The following CDHR2 variants were observed in gnomAD, a reference collection of about 807,000 sequenced individuals.
CDHR2 encodes cadherin-related family member 2.
A neutral mutation model predicts 138.6 loss-of-function variants in CDHR2; 104 were observed. The ratio of observed to expected loss-of-function variants is 0.75; its 90% CI spans 0.64 to 0.88. The LOEUF (loss-of-function observed/expected upper bound fraction) is 0.88, where lower values mean the gene tolerates loss of function less well. Among genes scored for constraint, CDHR2 ranks in the 40% least tolerant of loss-of-function variants. CDHR2 has a pLI of 0.00. For missense variants in CDHR2, 1,624 were observed against 1,727.6 expected, an observed-to-expected ratio of 0.94 and a Z score of 1.06; for synonymous variants, 755 against 742.8, an observed-to-expected ratio of 1.02 and a Z score of -0.27.
At chr5:176,560,123 G>A (rs936885258) in intron 1 of CDHR2, among the ~76,000 whole-genome samples, 4 of 152,230 alleles carry the variant, frequency 2.6e-5, no homozygotes, top group East Asian at 1.9e-4. Flanking sequence ...ATGGCTGGGC[G>A]CAGTGGCTCA....
In CDHR2 at chr5:176,585,351, C is replaced by T. The variant is rs142275319; in HGVS notation, c.2734+336C>T. Among the ~76,000 whole-genome samples the T allele has an allele frequency of 5.8e-3, 888 of 152,316 alleles. 7 individuals are homozygous for T. Among genetic ancestry groups the T allele is most frequent in the African/African-American group, 0.02 (832 of 41,556 alleles). ...TGCAGAGCTAGATGTGTGCTTGTAT[C>T]CCACTTCTGACACCAAATAGCAATA... On this transcript the variant is annotated intron_variant, in intron 19 of 31. Coordinates refer to ENST00000261944, the MANE Select transcript of CDHR2 (RefSeq NM_017675.6).
At chr5:176,582,429 A>G (rs1758553282) in intron 17 of CDHR2, among the ~76,000 whole-genome samples, 1 of 152,008 alleles carries the variant, frequency 6.6e-6, no homozygotes, top group South Asian at 2.1e-4. Flanking sequence ...CAGCCTCACA[A>G]AATGCTGGGA....
Position 176,589,628 on chromosome 5 carries a change from G to A in CDHR2, c.3206+12G>A. The A allele has an allele frequency of 5.0e-6, 8 of 1,613,266 alleles. No individual in the cohort carries two copies. Among genetic ancestry groups the A allele is most frequent in the Non-Finnish European group, 5.9e-6 (7 of 1,179,366 alleles). ...CAGGCGATTAATGCGTAGGTCTGGG[G>A]AGCCCCGGAGGGAGGGGTAGGAAGA... On this transcript the variant is annotated intron_variant, in intron 24 of 31. Transcript: ENST00000261944.
chr5:176,574,648 C>T (rs1020789745), intron 7 of CDHR2, among the ~76,000 whole-genome samples: 7 of 152,174 alleles, frequency 4.6e-5, no homozygotes, highest in Admixed American at 3.9e-4. Flanking sequence ...GACACATCCT[C>T]CTGTGTGCTT....
rs764684691 is a variant in CDHR2, at chr5:176,595,668, T to C, written c.3929T>C (p.Leu1310Pro). ...YTNAGLDTTD[L>P] ...AACGCTGGCCTGGACACCACGGACCTGTGACAGGGGCCCCCACTCTTCTGG... is the reference window on the plus strand; with the variant it reads ...AACGCTGGCCTGGACACCACGGACCCGTGACAGGGGCCCCCACTCTTCTGG... Residue 1310 changes from leucine to proline, a missense_variant, in exon 32 of 32, where the codon CTG (leucine) becomes CCG (proline). Transcript: ENST00000261944. 54 of 1,584,910 alleles carry C rather than the reference T, an allele frequency of 3.4e-5. No individual in the cohort carries two copies. Among genetic ancestry groups the C allele is most frequent in the Non-Finnish European group, 4.5e-5 (52 of 1,165,008 alleles).
intron 1 of CDHR2, among the ~76,000 whole-genome samples, chr5:176,551,250 C>T (rs1300438639): frequency 2.0e-5 from 3 of 152,128 alleles, no homozygotes; most frequent in Non-Finnish European, 2.9e-5. Context: ...TCACCACAAC[C>T]TCTGCCTCCT....
intron 19 of CDHR2, 39 bp from the exon 20 acceptor site, chr5:176,585,915 T>A: frequency 6.5e-7 from 1 of 1,546,266 alleles, no homozygotes; most frequent in Non-Finnish European, 8.9e-7. Flanking sequence ...TGGGTCAAGC[T>A]TTTGCCCAGA....
intron 19 of CDHR2, among the ~76,000 whole-genome samples, chr5:176,585,434 A>G (rs1406370584): frequency 6.6e-6 from 1 of 152,236 alleles, no homozygotes; most frequent in Non-Finnish European, 1.5e-5. Flanking sequence ...GAACTACACC[A>G]GGCACCTTGT....
chr5:176,565,774 T>G (rs763416753), intron 3 of CDHR2, 31 bp downstream of exon 3: 1 of 1,587,948 alleles, frequency 6.3e-7, no homozygotes, highest in East Asian at 2.3e-5. Flanking sequence ...CTGCCCCATG[T>G]CAGGTCCTGA....
chr5:176,570,080 C>T (rs991584215), intron 5 of CDHR2, among the ~76,000 whole-genome samples: 1 of 152,200 alleles, frequency 6.6e-6, no homozygotes, highest in Non-Finnish European at 1.5e-5. Context: ...AGGTACATGC[C>T]TCCATGTACT....
In CDHR2 at chr5:176,576,082, C is replaced by T. The variant is rs1220919629; in HGVS notation, c.1091C>T (p.Thr364Ile). The T allele has an allele frequency of 3.1e-6, 5 of 1,614,012 alleles. No individual in the cohort carries two copies. Among genetic ancestry groups the T allele is most frequent in the Non-Finnish European group, 4.2e-6 (5 of 1,180,024 alleles). ...TGCAGCCTCCCAGCCTGCACCTTCA[C>T]CCCCGAAGAGGCCCAAGTGAACTTC... ...YNCSLPACTF[T>I]PEEAQVNFTG... The change falls in exon 12 of 32, where the codon ACC becomes ATC. Residue 364 changes from threonine to isoleucine, a missense_variant. By Grantham distance (89) the Thr-to-Ile change is moderately conservative. Transcript: ENST00000261944. This position sits in a 1 kb window ranked among gnomAD's most constrained non-coding sequence, Gnocchi z 4.5.
chr5:176,566,726 C>G (rs765642233), intron 3 of CDHR2, among the ~76,000 whole-genome samples: 1 of 152,226 alleles, frequency 6.6e-6, no homozygotes, highest in Non-Finnish European at 1.5e-5. Flanking sequence ...AGGAAGGGGA[C>G]AAGAGGGCTT....
At chr5:176,585,293 AT>A (rs77283294) in intron 19 of CDHR2, among the ~76,000 whole-genome samples, 42,160 of 152,212 alleles carry the variant, frequency 0.28, 5,893 homozygotes, top group East Asian at 0.33. Flanking sequence ...TAATGCCATT[AT>A]TTTACAAGAT....
Position 176,589,105 on chromosome 5 carries a change from CG to C in CDHR2, c.2935del (p.Ala979ProfsTer27). 1 of 1,614,118 alleles carries C rather than the reference CG, an allele frequency of 6.2e-7. No homozygotes were observed. The highest frequency in any genetic ancestry group is 8.5e-7 in the Non-Finnish European group (1 of 1,179,980). On this transcript the variant is annotated frameshift_variant, in exon 22 of 32. Transcript: ENST00000261944. LOFTEE classifies it high-confidence loss of function. ...TCCGAGTAGACTTCATCTCTAAGGA[CG>C]GGGCCACCATCCCTTTCCAGGGTGT... ...ILRVDFISKD[G>X]ATIPFQGVFS...
chr5:176,580,122 TCACG>T (rs941271318), intron 16 of CDHR2, among the ~76,000 whole-genome samples: 20 of 151,050 alleles, frequency 1.3e-4, no homozygotes, highest in African/African-American at 4.4e-4. Flanking sequence ...ACACACACAC[TCACG>T]CACGCACTCA....
chr5:176,577,633 C>T lies in CDHR2; in HGVS notation c.1351-4C>T, dbSNP rs1429954329. 2 of 1,614,218 alleles carry T rather than the reference C, an allele frequency of 1.2e-6. No homozygotes were observed. The highest frequency in any genetic ancestry group is 3.3e-5 in the Admixed American group (2 of 60,034). ...ACAGCTGCTGCCTCCTCCCCTGCCC[C>T]CAGGTTGTGGCCACAGACTCCGTCA... On this transcript the variant is annotated splice_region_variant and splice_polypyrimidine_tract_variant and intron_variant, in intron 13 of 31. Transcript: ENST00000261944.
At chr5:176,563,536 G>A (rs903717991) in intron 1 of CDHR2, among the ~76,000 whole-genome samples, 1 of 152,114 alleles carries the variant, frequency 6.6e-6, no homozygotes, top group Non-Finnish European at 1.5e-5. Context: ...TCTTCTGTAG[G>A]GCTGCCTGGC....
intron 6 of CDHR2, among the ~76,000 whole-genome samples, chr5:176,572,944 G>A (rs753620569): frequency 2.0e-5 from 3 of 152,228 alleles, no homozygotes; most frequent in Non-Finnish European, 4.4e-5. Flanking sequence ...TTCAGATGGC[G>A]GTGAGCCCCA....
At chr5:176,544,444 T>TTTCTCTC, upstream of CDHR2, among the ~76,000 whole-genome samples, 1 of 13,090 alleles carries the variant, frequency 7.6e-5, no homozygotes, top group Non-Finnish European at 2.9e-3. Context: ...TCTTTCTTTC[T>TTTCTCTC]CTCTTTCCTT....
Sources: gnomAD v4.1 joint callset for allele counts (sites outside exome capture counted in the v4.1 genomes callset) on GRCh38, gnomAD v4.1.1 for gene constraint, Gnocchi (gnomAD v3.1) non-coding constraint, MANE v1.5 for transcripts, NCBI Gene and HGNC (gene_info 2026-07-23, HGNC 2026-07-21) for gene names.